The following RSBN1 variants were observed in gnomAD, a reference collection of about 807,000 sequenced individuals.
RSBN1 encodes the protein lysine-specific demethylase 9.
Under a neutral mutation model 74.8 loss-of-function variants are expected in RSBN1, and 23 were observed. That is an observed-to-expected ratio of 0.31 (90% CI 0.22 to 0.44). The LOEUF is 0.44. Ranked by LOEUF, RSBN1 falls within the 20% of genes least tolerant of loss-of-function variation. The pLI is 1.00. For synonymous variants in RSBN1, 407 were observed against 379.6 expected, an observed-to-expected ratio of 1.07 and a Z score of -0.84; for missense variants, 808 against 1,020.9, an observed-to-expected ratio of 0.79 and a Z score of 2.84.
chr1:113,797,229 GACAA>G (rs1427447920), intron 2 of RSBN1, 130 bp downstream of exon 2: 4 of 731,390 alleles, frequency 5.5e-6, no homozygotes, highest in Admixed American at 6.0e-5. Context: ...TAGAGGAAGA[GACAA>G]ACAATTTGAA....
chr1:113,797,104 G>GT (rs1660486606), intron 2 of RSBN1, among the ~76,000 whole-genome samples: 1 of 152,170 alleles, frequency 6.6e-6, no homozygotes, highest in Non-Finnish European at 1.5e-5. Flanking sequence ...GAAAGACCAG[G>GT]TAAGTTTTCA....
At chr1:113,772,936 G>A (rs1004952664) in intron 4 of RSBN1, among the ~76,000 whole-genome samples, 6 of 151,956 alleles carry the variant, frequency 3.9e-5, no homozygotes, top group Admixed American at 3.9e-4. Context: ...AAATGTAGGT[G>A]AGTATTTTAT....
chr1:113,804,876 C>T (rs1052337954), intron 1 of RSBN1, among the ~76,000 whole-genome samples: 1 of 143,424 alleles, frequency 7.0e-6, no homozygotes, highest in Admixed American at 7.1e-5. Context: ...CACTTACACT[C>T]GGTGATAGCA....
rs539222725 is a variant in RSBN1 at position 113,765,849 on chromosome 1, T to C, written c.*131A>G. 1.0e-5 allele frequency: 7 copies of C among 675,390 alleles called. No homozygotes were observed. In the South Asian group the frequency reaches 1.2e-4, roughly 11 times the overall value. The allele number at this position is 675,390 out of a possible 1,614,324, so 41.8% of individuals were successfully genotyped here. ...GTAAAAAAGATATGCTTGACATTTG[T>C]GGAATGTCATTTCTCTTTATAGAAT... On this transcript the variant is annotated 3_prime_UTR_variant, in exon 7 of 7. Transcript: ENST00000261441.
At chr1:113,790,036 C>T (rs1163497252) in intron 2 of RSBN1, among the ~76,000 whole-genome samples, 1 of 151,514 alleles carries the variant, frequency 6.6e-6, no homozygotes, top group Admixed American at 6.6e-5. Flanking sequence ...ACATGATAAG[C>T]CACAAATTCA....
chr1:113,790,137 T>C (rs983769801), intron 2 of RSBN1, among the ~76,000 whole-genome samples: 2 of 152,064 alleles, frequency 1.3e-5, no homozygotes, highest in African/African-American at 2.4e-5. Context: ...TCGCTTAATA[T>C]ATTTTATACT....
rs569083657 is a variant in RSBN1, at chr1:113,800,349, T to C, written c.704-2313A>G. ...TATATACAACTAAATATTTGAGATA[T>C]TTGAGAATTAAACACTTAGTAATAG... On this transcript the variant is annotated intron_variant, in intron 1 of 6. Coordinates refer to ENST00000261441, the MANE Select transcript of RSBN1 (RefSeq NM_018364.5). Among the ~76,000 whole-genome samples, 15 of 152,254 alleles carry C rather than the reference T, an allele frequency of 9.9e-5. No homozygotes were observed. In the East Asian group the frequency reaches 2.5e-3, roughly 25 times the overall value.
chr1:113,764,992 T>C lies in RSBN1; in HGVS notation c.*988A>G, dbSNP rs1659752412. On this transcript the variant is annotated 3_prime_UTR_variant, in exon 7 of 7. Transcript: ENST00000261441. ...AGTAATAGTAAATAAACCCAGGTAT[T>C]CACCAGTTAAAACTGTGAATTGAAG... is the stretch of plus-strand genomic sequence containing the variant. The C allele has an allele frequency of 1.3e-5, 2 of 152,290 alleles. No homozygotes were observed. Among genetic ancestry groups the C allele is most frequent in the African/African-American group, 4.8e-5 (2 of 41,454 alleles). 9.4% of individuals were successfully genotyped at this position (152,290 alleles called of 1,614,324 possible).
intron 2 of RSBN1, among the ~76,000 whole-genome samples, chr1:113,787,227 G>T (rs754506030): frequency 6.6e-6 from 1 of 152,182 alleles, no homozygotes; most frequent in Non-Finnish European, 1.5e-5. Flanking sequence ...GAAGAGGACT[G>T]CTGTTTAAAC....
chr1:113,810,322 C>CT (rs1163246692), intron 1 of RSBN1, among the ~76,000 whole-genome samples: 1 of 151,806 alleles, frequency 6.6e-6, no homozygotes, highest in African/African-American at 2.4e-5. Context: ...CCTCAGTTTC[C>CT]TTTTCTACAA....
chr1:113,761,993 AG>A lies in RSBN1; in HGVS notation c.*3986del, dbSNP rs1659687993. ...TTAAAAGGATTATTCACACAAATTT[AG>A]ATTTAAGACTATTCATTAAAAACCT... is the stretch of plus-strand genomic sequence containing the variant. On this transcript the variant is annotated 3_prime_UTR_variant, in exon 7 of 7. Coordinates refer to ENST00000261441, the MANE Select transcript of RSBN1 (RefSeq NM_018364.5). 6.5e-6 allele frequency: 1 copy of A among 152,804 alleles called. No individual in the cohort carries two copies. Among genetic ancestry groups the A allele is most frequent in the Non-Finnish European group, 1.5e-5 (1 of 68,038 alleles). 9.5% of individuals were successfully genotyped at this position (152,804 alleles called of 1,614,324 possible).
At chr1:113,808,128 A>T (rs1660750732) in intron 1 of RSBN1, among the ~76,000 whole-genome samples, 1 of 152,132 alleles carries the variant, frequency 6.6e-6, no homozygotes, top group South Asian at 2.1e-4. Flanking sequence ...ACAAACAAAC[A>T]AAATAAATAT....
intron 2 of RSBN1, among the ~76,000 whole-genome samples, chr1:113,794,282 A>T (rs1660426606): frequency 1.3e-5 from 2 of 152,296 alleles, no homozygotes; most frequent in Admixed American, 1.3e-4. Context: ...TCTTGCTTCC[A>T]ATCTCATATC....
chr1:113,784,624 A>G (rs1660201499), intron 2 of RSBN1, among the ~76,000 whole-genome samples: 1 of 152,030 alleles, frequency 6.6e-6, no homozygotes, highest in Non-Finnish European at 1.5e-5. Flanking sequence ...CAGAGTTCAC[A>G]CTCCTATGAG....
chr1:113,780,137 G>A (rs1489398366), intron 2 of RSBN1, among the ~76,000 whole-genome samples: 2 of 152,122 alleles, frequency 1.3e-5, no homozygotes, highest in Non-Finnish European at 2.9e-5. Flanking sequence ...TGGGACAAAT[G>A]TCCTAAAGAC....
chr1:113,789,450 A>T (rs1428021699), intron 2 of RSBN1, among the ~76,000 whole-genome samples: 1 of 152,160 alleles, frequency 6.6e-6, no homozygotes, highest in East Asian at 1.9e-4. Context: ...ACCCTTTAAC[A>T]TATCCATCAC....
chr1:113,783,648 A>G (rs1660180371), intron 2 of RSBN1, among the ~76,000 whole-genome samples: 1 of 152,170 alleles, frequency 6.6e-6, no homozygotes, highest in African/African-American at 2.4e-5. Flanking sequence ...ACAGTCACAT[A>G]AGTTACATAT....
At position 113,789,430 on chromosome 1, in the gene RSBN1, G is replaced by C. The variant is rs113529250; in HGVS notation, c.1377+7933C>G. ...GCCCTGTGTATCTCTTCATATGGCT[G>C]TTTATTTGCACCCTTTAACATATCC... On this transcript the variant is annotated intron_variant, in intron 2 of 6. Transcript: ENST00000261441. Among the ~76,000 whole-genome samples the C allele has an allele frequency of 3.7e-3, 570 of 152,242 alleles. 1 individual carries two copies. Among genetic ancestry groups the C allele is most frequent in the African/African-American group, 0.013 (544 of 41,546 alleles).
chr1:113,779,877 C>T (rs564743950), intron 2 of RSBN1, among the ~76,000 whole-genome samples: 3 of 151,970 alleles, frequency 2.0e-5, no homozygotes, highest in Non-Finnish European at 4.4e-5. Context: ...AAAAATTAGC[C>T]AGGCACGGTG....
Sources: allele counts gnomAD v4.1 joint callset (sites outside exome capture counted in the v4.1 genomes callset), GRCh38; gene constraint gnomAD v4.1.1; transcripts MANE v1.5; gene names NCBI Gene and HGNC (gene_info 2026-07-23, HGNC 2026-07-21).